The following SV2C variants were observed in gnomAD, a reference collection of about 807,000 sequenced individuals.
The protein encoded by SV2C is synaptic vesicle glycoprotein 2C, also known as solute carrier family 22 member B3.
Under a neutral mutation model 79.7 loss-of-function variants are expected in SV2C, and 49 were observed. That is an observed-to-expected ratio of 0.61 (90% CI 0.49 to 0.78). The LOEUF (loss-of-function observed/expected upper bound fraction) is 0.78, where lower values mean the gene tolerates loss of function less well. Ranked by LOEUF, SV2C falls within the 30% of genes least tolerant of loss-of-function variation. The probability of loss-of-function intolerance (pLI) is 0.00; values close to 1 mark genes in which losing one functional copy is unlikely to be tolerated. For missense variants in SV2C, 833 were observed against 912.9 expected (o/e 0.91, Z 1.13); for synonymous variants, 334 against 333.2 (o/e 1.00, Z -0.03).
intron 12 of SV2C, among the ~76,000 whole-genome samples, chr5:76,345,344 T>G (rs1188403060): frequency 1.3e-5 from 2 of 152,246 alleles, no homozygotes; most frequent in Non-Finnish European, 2.9e-5. Flanking sequence ...CATGGCACTG[T>G]GCTGGGTGCT....
the SV2C span, among the ~76,000 whole-genome samples, chr5:75,857,181 T>G: frequency 6.6e-6 from 1 of 152,002 alleles, no homozygotes; most frequent in Non-Finnish European, 1.5e-5. Context: ...ATGGTCTCGA[T>G]CTCCTGACAT....
At chr5:76,203,248 G>A (rs1220089106) in intron 3 of SV2C, among the ~76,000 whole-genome samples, 1 of 152,140 alleles carries the variant, frequency 6.6e-6, no homozygotes, top group Non-Finnish European at 1.5e-5. Flanking sequence ...CTTCATGCCT[G>A]CACCTCCAAC....
chr5:75,947,486 G>C, the SV2C span, among the ~76,000 whole-genome samples: 1 of 150,400 alleles, frequency 6.6e-6, no homozygotes, highest in Non-Finnish European at 1.5e-5. Context: ...CTTTTGTCTT[G>C]AAAATTCTTG....
intron 2 of SV2C, among the ~76,000 whole-genome samples, chr5:76,156,096 G>A (rs1742717397): frequency 6.6e-6 from 1 of 152,062 alleles, no homozygotes; most frequent in Non-Finnish European, 1.5e-5. Context: ...CATTCCTGGA[G>A]TCAGAGTGAA....
the SV2C span, among the ~76,000 whole-genome samples, chr5:75,889,079 C>T: frequency 1.2e-4 from 18 of 152,118 alleles, no homozygotes; most frequent in African/African-American, 3.4e-4. Context: ...ACCCTAGTGA[C>T]CACATTTTAT....
intron 2 of SV2C, among the ~76,000 whole-genome samples, chr5:76,159,930 G>A (rs770535628): frequency 3.6e-4 from 54 of 151,756 alleles, no homozygotes; most frequent in Non-Finnish European, 5.7e-4. Flanking sequence ...ATATACTAGC[G>A]TTGAACAATC....
chr5:76,291,440 C>A, intron 7 of SV2C, 109 bp downstream of exon 7: 1 of 806,662 alleles, frequency 1.2e-6, no homozygotes, highest in Non-Finnish European at 1.9e-6. Context: ...TTCCTGCTGC[C>A]CAGGACACCT....
chr5:76,090,516 G>T (rs1236970651), intron 1 of SV2C, among the ~76,000 whole-genome samples: 1 of 152,104 alleles, frequency 6.6e-6, no homozygotes, highest in Non-Finnish European at 1.5e-5. Context: ...CATCATGCCT[G>T]TCTTCACCTA....
At chr5:76,153,845 C>A (rs190923300) in intron 2 of SV2C, among the ~76,000 whole-genome samples, 62 of 152,306 alleles carry the variant, frequency 4.1e-4, no homozygotes, top group African/African-American at 1.4e-3. Context: ...AATCCTAGAT[C>A]TGTCAGTTAG....
At chr5:76,347,372 C>A (rs1169763335) in intron 12 of SV2C, among the ~76,000 whole-genome samples, 1 of 152,150 alleles carries the variant, frequency 6.6e-6, no homozygotes, top group Non-Finnish European at 1.5e-5. Flanking sequence ...GTGCCTCGAT[C>A]TTAAAGGGAG....
At chr5:75,949,022 G>A in the SV2C span, among the ~76,000 whole-genome samples, 1 of 151,832 alleles carries the variant, frequency 6.6e-6, no homozygotes, top group Non-Finnish European at 1.5e-5. Flanking sequence ...TCATGGGGGT[G>A]GATCCCTCAT....
At chr5:76,160,933 A>T (rs1303674286) in intron 2 of SV2C, among the ~76,000 whole-genome samples, 1 of 140,726 alleles carries the variant, frequency 7.1e-6, no homozygotes, top group African/African-American at 2.8e-5. Flanking sequence ...TGCTGGTGGG[A>T]ATGTAAAATG....
At chr5:76,340,859 C>G (rs968089312) in intron 12 of SV2C, among the ~76,000 whole-genome samples, 2 of 151,988 alleles carry the variant, frequency 1.3e-5, no homozygotes, top group Non-Finnish European at 2.9e-5. Flanking sequence ...ATCCTCCTGC[C>G]TCAGCCTTCC....
the SV2C span, among the ~76,000 whole-genome samples, chr5:75,871,309 A>G: frequency 6.6e-6 from 1 of 152,220 alleles, no homozygotes; most frequent in African/African-American, 2.4e-5. Flanking sequence ...AAAGGACTGC[A>G]ATCAATGAGA....
chr5:76,347,600 C>T (rs1013549418), intron 12 of SV2C, among the ~76,000 whole-genome samples: 9 of 152,080 alleles, frequency 5.9e-5, no homozygotes, highest in African/African-American at 1.9e-4. Flanking sequence ...CACCACAATG[C>T]CCGGCTAATT....
the SV2C span, among the ~76,000 whole-genome samples, chr5:76,053,156 A>G: frequency 6.6e-6 from 1 of 150,908 alleles, no homozygotes. Context: ...TCAGAGAGCT[A>G]TTGCGGATTC....
At chr5:75,934,433 C>T in the SV2C span, among the ~76,000 whole-genome samples, 1 of 150,640 alleles carries the variant, frequency 6.6e-6, no homozygotes, top group African/African-American at 2.5e-5. Context: ...ATTATAGGCG[C>T]ACACCACCAC....
chr5:75,896,500 T>C, the SV2C span, among the ~76,000 whole-genome samples: 4 of 151,764 alleles, frequency 2.6e-5, no homozygotes, highest in African/African-American at 9.7e-5. Context: ...TCTTTGCTAT[T>C]GTGAATAGTG....
the SV2C span, among the ~76,000 whole-genome samples, chr5:76,070,570 A>C: frequency 1.1e-4 from 16 of 152,300 alleles, no homozygotes; most frequent in Middle Eastern, 6.8e-3. Flanking sequence ...ATTCCCACTT[A>C]TCTTTGAACA....
Sources: gnomAD v4.1 joint callset for allele counts (sites outside exome capture counted in the v4.1 genomes callset) on GRCh38, gnomAD v4.1.1 for gene constraint, MANE v1.5 for transcripts, NCBI Gene and HGNC (gene_info 2026-07-23, HGNC 2026-07-21) for gene names.